Variants in PLXDC2 observed in about 807,000 individuals in gnomAD.
The protein encoded by PLXDC2 is plexin domain-containing protein 2.
A neutral mutation model predicts 68.9 loss-of-function variants in PLXDC2; 40 were observed. The observed-to-expected ratio is 0.58, with a 90% CI of 0.45 to 0.76. The LOEUF (loss-of-function observed/expected upper bound fraction) is 0.76. Among genes scored for constraint, PLXDC2 ranks in the 30% least tolerant of loss-of-function variants. The probability of loss-of-function intolerance (pLI) is 0.00; values close to 1 mark genes in which losing one functional copy is unlikely to be tolerated. For missense variants in PLXDC2, 644 were observed against 661.9 expected (o/e 0.97, Z 0.30); for synonymous variants, 243 against 234.2 (o/e 1.04, Z -0.34).
intron 9 of PLXDC2, among the ~76,000 whole-genome samples, chr10:20,205,245 C>T (rs1478989549): frequency 2.0e-5 from 3 of 152,006 alleles, no homozygotes; most frequent in Non-Finnish European, 4.4e-5. Context: ...GCTTTGAAAT[C>T]AACACACCAT....
chr10:19,916,564 G>A (rs1833370490), intron 1 of PLXDC2, among the ~76,000 whole-genome samples: 1 of 151,900 alleles, frequency 6.6e-6, no homozygotes, highest in African/African-American at 2.4e-5. Context: ...TTATTTATAG[G>A]CACTATGCTA....
At chr10:20,022,014 A>G (rs1361199058) in intron 2 of PLXDC2, among the ~76,000 whole-genome samples, 1 of 152,196 alleles carries the variant, frequency 6.6e-6, no homozygotes, top group African/African-American at 2.4e-5. Flanking sequence ...TATTTTGTAG[A>G]CATCTGCTTA....
chr10:20,232,398 A>G (rs1271699465), intron 12 of PLXDC2, among the ~76,000 whole-genome samples: 1 of 152,152 alleles, frequency 6.6e-6, no homozygotes, highest in African/African-American at 2.4e-5. Context: ...ACACACACAC[A>G]CGCACACACA....
At chr10:20,081,316 T>G (rs956066336) in intron 4 of PLXDC2, among the ~76,000 whole-genome samples, 2 of 151,888 alleles carry the variant, frequency 1.3e-5, no homozygotes, top group African/African-American at 4.8e-5. Context: ...GAAAAACTAT[T>G]CCACTAGAGA....
In PLXDC2 at chr10:20,068,084, A is replaced by AT. The variant is rs939196355; in HGVS notation, c.472-81dup. The AT allele has an allele frequency of 4.3e-6, 5 of 1,150,732 alleles. No individual in the cohort carries two copies. The African/African-American group carries it at 7.8e-5, about 18-fold the overall frequency. 71.3% of individuals were successfully genotyped at this position (1,150,732 alleles called of 1,614,324 possible). A position where few individuals can be genotyped will look rare whatever the true frequency, so the allele number is the denominator to read the frequency against. On this transcript the variant is annotated intron_variant, in intron 3 of 13. Coordinates refer to ENST00000377252, the MANE Select transcript of PLXDC2 (RefSeq NM_032812.9). Reference sequence around the variant, plus strand: ...AATTATGGGGTAAAGTAGAAGCATCATTTTTGTTTTAAGTGAAAGGCTCTT... The same window carrying AT: ...AATTATGGGGTAAAGTAGAAGCATCATTTTTTGTTTTAAGTGAAAGGCTCTT...
At chr10:19,934,897 TA>T (rs142481104) in intron 1 of PLXDC2, among the ~76,000 whole-genome samples, 18,616 of 152,154 alleles carry the variant, frequency 0.12, 1,225 homozygotes, top group African/African-American at 0.15. Context: ...GGCTTTTTAG[TA>T]AAAAAATATT....
chr10:20,193,788 C>T (rs1015448597), intron 9 of PLXDC2, among the ~76,000 whole-genome samples: 3 of 151,958 alleles, frequency 2.0e-5, no homozygotes, highest in Non-Finnish European at 4.4e-5. Context: ...TCTTAAAATT[C>T]GTTTTTTTGT....
chr10:20,001,982 T>A lies in PLXDC2; in HGVS notation c.320T>A (p.Ile107Asn), dbSNP rs1834949795. 1 of 1,611,112 alleles carries A rather than the reference T, an allele frequency of 6.2e-7. No homozygotes were observed. Among genetic ancestry groups the A allele is most frequent in the Admixed American group, 1.7e-5 (1 of 59,786 alleles). ...GATGGGCAGGACAATAACACTCAGA[T>A]CGAGGTAGATAAATAGTCTGGGTAA... ...LDDGQDNNTQIEEDTDHNYYI... is the reference protein window; with the variant it reads ...LDDGQDNNTQNEEDTDHNYYI... Residue 107 changes from isoleucine to asparagine, a missense_variant, in exon 2 of 14, where the codon ATC (isoleucine) becomes AAC (asparagine). Physicochemically the swap from Ile to Asn is moderately radical, Grantham distance 149. Coordinates refer to ENST00000377252, the MANE Select transcript of PLXDC2 (RefSeq NM_032812.9).
At chr10:20,133,692 T>C (rs1833898508) in intron 4 of PLXDC2, among the ~76,000 whole-genome samples, 1 of 152,186 alleles carries the variant, frequency 6.6e-6, no homozygotes, top group Admixed American at 6.5e-5. Context: ...GATCTCTTTA[T>C]GTCTAAACTA....
At chr10:20,150,704 G>T (rs771392607) in intron 6 of PLXDC2, among the ~76,000 whole-genome samples, 3 of 152,154 alleles carry the variant, frequency 2.0e-5, no homozygotes, top group Admixed American at 6.5e-5. Flanking sequence ...CCACCTGGAG[G>T]CTTTGTCAAA....
chr10:20,105,840 T>C (rs1833484478), intron 4 of PLXDC2, among the ~76,000 whole-genome samples: 1 of 152,218 alleles, frequency 6.6e-6, no homozygotes, highest in Admixed American at 6.5e-5. Context: ...TGCTCTCTAG[T>C]GATGTGGACG....
intron 1 of PLXDC2, among the ~76,000 whole-genome samples, chr10:19,935,329 C>T (rs550079339): frequency 6.6e-6 from 1 of 152,334 alleles, no homozygotes; most frequent in East Asian, 1.9e-4. Flanking sequence ...TGACAGCTGA[C>T]AGGTGGTGTG....
chr10:20,226,687 GA>G (rs1420066468), intron 12 of PLXDC2, among the ~76,000 whole-genome samples: 2 of 152,178 alleles, frequency 1.3e-5, no homozygotes, highest in African/African-American at 4.8e-5. Flanking sequence ...GACACAGAAC[GA>G]GATGATATAG....
At chr10:19,829,044 C>T (rs1195323329) in intron 1 of PLXDC2, among the ~76,000 whole-genome samples, 1 of 152,008 alleles carries the variant, frequency 6.6e-6, no homozygotes. Context: ...CCTGTTTGAC[C>T]TCTTCAGGTT....
At chr10:20,189,443 C>G (rs1027153424) in intron 9 of PLXDC2, among the ~76,000 whole-genome samples, 3 of 122,248 alleles carry the variant, frequency 2.5e-5, no homozygotes, top group African/African-American at 9.0e-5. Flanking sequence ...CATCGATAAA[C>G]AAAGGAACAC....
chr10:20,230,054 A>C (rs2131877115), intron 12 of PLXDC2, among the ~76,000 whole-genome samples: 1 of 152,348 alleles, frequency 6.6e-6, no homozygotes, highest in African/African-American at 2.4e-5. Flanking sequence ...AGATGAACAC[A>C]AAGAAAATGA....
intron 1 of PLXDC2, among the ~76,000 whole-genome samples, chr10:19,818,240 G>A (rs1341654828): frequency 4.1e-5 from 6 of 146,478 alleles, no homozygotes; most frequent in African/African-American, 1.5e-4. Flanking sequence ...GTGTGTGTGT[G>A]TGTGTGTGTG....
At chr10:20,246,190 ACAAGGGG>A (rs1835592723) in intron 13 of PLXDC2, among the ~76,000 whole-genome samples, 1 of 152,334 alleles carries the variant, frequency 6.6e-6, no homozygotes, top group East Asian at 1.9e-4. Context: ...AGGTGGGAAG[ACAAGGGG>A]CTGTGCATAA....
chr10:20,003,894 A>G (rs1414893390), intron 2 of PLXDC2, among the ~76,000 whole-genome samples: 1 of 152,176 alleles, frequency 6.6e-6, no homozygotes, highest in Non-Finnish European at 1.5e-5. Context: ...GGCTTCCTGA[A>G]CTGGCTGCTG....
Sources: allele counts gnomAD v4.1 joint callset (sites outside exome capture counted in the v4.1 genomes callset), GRCh38; gene constraint gnomAD v4.1.1; transcripts MANE v1.5; gene names NCBI Gene and HGNC (gene_info 2026-07-23, HGNC 2026-07-21).